ZMYM1: variants seen among roughly 807,000 people sequenced by gnomAD.
ZMYM1 encodes the protein zinc finger MYM-type protein 1.
ZMYM1 carries 39 observed loss-of-function variants against 60.0 expected under a neutral mutation model. The ratio of observed to expected loss-of-function variants is 0.65; its 90% CI spans 0.50 to 0.85. The LOEUF is 0.85. Ranked by LOEUF, ZMYM1 falls within the 40% of genes least tolerant of loss-of-function variation. The probability of loss-of-function intolerance (pLI) is 0.00; values close to 1 mark genes in which losing one functional copy is unlikely to be tolerated. For synonymous variants in ZMYM1, 413 were observed against 454.0 expected (o/e 0.91, Z 1.15); for missense variants, 1,171 against 1,309.5 (o/e 0.89, Z 1.63).
rs761501635 is a variant in ZMYM1 at position 35,113,897 on chromosome 1, T to C, written c.2067T>C (p.Thr689=). The C allele has an allele frequency of 8.7e-6, 14 of 1,613,924 alleles. No individual in the cohort carries two copies. Among genetic ancestry groups the C allele is most frequent in the Non-Finnish European group, 1.2e-5 (14 of 1,179,908 alleles). Residue 689 remains threonine (T), a synonymous_variant, in exon 10 of 10, where the codon ACT becomes ACC. Coordinates refer to ENST00000359858, the MANE Select transcript of ZMYM1 (RefSeq NM_024772.5). ...FLGFVDTEEM[T]GTHLHRTIKT... Reference sequence around the variant, plus strand: ...GTTTTGTTGATACTGAGGAGATGACTGGGACCCACTTACATAGGACTATCA... The same window carrying C: ...GTTTTGTTGATACTGAGGAGATGACCGGGACCCACTTACATAGGACTATCA...
In ZMYM1 at chr1:35,104,683, A is replaced by C; in HGVS notation, c.721A>C (p.Thr241Pro). The C allele has an allele frequency of 6.2e-7, 1 of 1,614,174 alleles. No individual in the cohort carries two copies. The highest frequency in any genetic ancestry group is 1.1e-5 in the South Asian group (1 of 91,090). The part of the protein sequence containing the change: ...CCENCGTYCY[T>P]SSSLSHILQM... ...TGAGAACTGTGGCACTTACTGTTACACCAGCTCTAGTCTGTCCCACATACT... is the reference window on the plus strand; with the variant it reads ...TGAGAACTGTGGCACTTACTGTTACCCCAGCTCTAGTCTGTCCCACATACT... Residue 241 changes from threonine to proline, a missense_variant, in exon 6 of 10, where the codon ACC (threonine) becomes CCC (proline). Transcript: ENST00000359858.
intron 1 of ZMYM1, among the ~76,000 whole-genome samples, chr1:35,083,372 C>T (rs964071247): frequency 1.3e-5 from 2 of 151,968 alleles, no homozygotes; most frequent in African/African-American, 4.8e-5. Flanking sequence ...GGGGTGGCCT[C>T]GAACTCCTGG....
In ZMYM1 at chr1:35,113,553, G is replaced by A. The variant is rs1246376050; in HGVS notation, c.1723G>A (p.Asp575Asn). The change falls in exon 10 of 10, where the codon GAC (aspartate) becomes AAC (asparagine). Residue 575 changes from aspartate (D) to asparagine (N), a missense_variant. By Grantham distance (23) the Asp-to-Asn change is conservative. Transcript: ENST00000359858. ...GKQCLPLRGN[D>N]QSVSSVNKGN... ...GCAGTGTTTACCCTTAAGAGGAAAC[G>A]ACCAGTCAGTTTCATCTGTGAATAA... 1.2e-6 allele frequency: 2 copies of A among 1,613,268 alleles called. No individual in the cohort carries two copies. Among genetic ancestry groups the A allele is most frequent in the East Asian group, 2.2e-5 (1 of 44,834 alleles).
downstream of ZMYM1, among the ~76,000 whole-genome samples, chr1:35,117,296 T>A (rs1644259250): frequency 6.6e-6 from 1 of 151,948 alleles, no homozygotes; most frequent in South Asian, 2.1e-4. Context: ...ATTCTCAGTA[T>A]CTTCTATATA....
intron 4 of ZMYM1, among the ~76,000 whole-genome samples, chr1:35,099,017 T>G (rs1020554602): frequency 6.6e-6 from 1 of 152,230 alleles, no homozygotes; most frequent in Non-Finnish European, 1.5e-5. Context: ...TTACTTAGTA[T>G]TCGTATCTGT....
chr1:35,079,328 G>A (rs1642239461), upstream of ZMYM1: 1 of 152,236 alleles, frequency 6.6e-6, no homozygotes, highest in Admixed American at 6.5e-5. Flanking sequence ...CTGAGCCAGC[G>A]GCCCTGCGCA....
At position 35,113,369 on chromosome 1, in the gene ZMYM1, T is replaced by A; in HGVS notation, c.1539T>A (p.His513Gln). The change falls in exon 10 of 10, where the codon CAT (histidine) becomes CAA (glutamine). Residue 513 changes from histidine (H) to glutamine (Q), a missense_variant. Transcript: ENST00000359858. ...WKKTLEKFRKHEKSEMHLKSL... is the reference protein window; with the variant it reads ...WKKTLEKFRKQEKSEMHLKSL... ...AAACCCTGGAAAAATTCAGAAAGCA[T>A]GAAAAAAGTGAAATGCATTTGAAGT... is the stretch of plus-strand genomic sequence containing the variant. 6.2e-7 allele frequency: 1 copy of A among 1,613,352 alleles called. No homozygotes were observed. Among genetic ancestry groups the A allele is most frequent in the South Asian group, 1.1e-5 (1 of 90,870 alleles).
At chr1:35,069,075 C>T (rs183751126) in intron 1 of ZMYM1, among the ~76,000 whole-genome samples, 72 of 152,268 alleles carry the variant, frequency 4.7e-4, no homozygotes, top group African/African-American at 1.6e-3. Flanking sequence ...CTCAGGTGAT[C>T]TGCCTGCCTC....
At chr1:35,111,599 A>G (rs1186373358) in intron 7 of ZMYM1, among the ~76,000 whole-genome samples, 173 bp from the exon 8 acceptor site, 2 of 152,240 alleles carry the variant, frequency 1.3e-5, no homozygotes, top group Non-Finnish European at 2.9e-5. Context: ...GTAATTATAA[A>G]TACGATACTA....
At chr1:35,070,342 C>A (rs763322677) in intron 1 of ZMYM1, among the ~76,000 whole-genome samples, 1 of 151,874 alleles carries the variant, frequency 6.6e-6, no homozygotes, top group East Asian at 1.9e-4. Context: ...TTTTTTGTAG[C>A]GATTATAAAT....
upstream of ZMYM1, chr1:35,078,986 G>C (rs74593591): frequency 6.9e-6 from 1 of 144,058 alleles, no homozygotes; most frequent in South Asian, 2.1e-4. Flanking sequence ...TTTTTTTTTT[G>C]AGTCCAGCTT....
Position 35,115,284 on chromosome 1 carries a change from A to G in ZMYM1, c.*25A>G, listed in dbSNP as rs1644231686. The G allele has an allele frequency of 6.6e-7, 1 of 1,511,534 alleles. No homozygotes were observed. The allele number at this position is 1,511,534 out of a possible 1,614,324, so 93.6% of individuals were successfully genotyped here. ...ATACATGCTCATTTGAACTTACCTA[A>G]AAGACTTGTATTTCCATTGGGATGT... On this transcript the variant is annotated 3_prime_UTR_variant, in exon 10 of 10. Transcript: ENST00000359858.
chr1:35,098,543 G>T (rs1472066860), intron 4 of ZMYM1, among the ~76,000 whole-genome samples: 1 of 152,208 alleles, frequency 6.6e-6, no homozygotes, highest in Non-Finnish European at 1.5e-5. Context: ...CTTCTGTTTA[G>T]TTATATTTTA....
At chr1:35,064,879 G>A (rs1641943491) in intron 1 of ZMYM1, among the ~76,000 whole-genome samples, 1 of 151,806 alleles carries the variant, frequency 6.6e-6, no homozygotes, top group Non-Finnish European at 1.5e-5. Context: ...AGTAGAGGCA[G>A]GGTTTCACCG....
intron 9 of ZMYM1, among the ~76,000 whole-genome samples, chr1:35,112,511 T>C (rs1644123505): frequency 6.9e-6 from 1 of 145,482 alleles, no homozygotes. Flanking sequence ...ATATATACTA[T>C]AATATATAAA....
intron 6 of ZMYM1, among the ~76,000 whole-genome samples, chr1:35,109,014 G>T (rs1643995113): frequency 6.6e-6 from 1 of 151,468 alleles, no homozygotes; most frequent in Non-Finnish European, 1.5e-5. Context: ...TGAGCCTGAT[G>T]TATTATTTTT....
At chr1:35,083,804 T>A (rs1321785327) in intron 1 of ZMYM1, among the ~76,000 whole-genome samples, 1 of 152,030 alleles carries the variant, frequency 6.6e-6, no homozygotes, top group Non-Finnish European at 1.5e-5. Context: ...AATTTCTTTG[T>A]AGAGATGAGG....
At chr1:35,084,174 A>G (rs981721475) in intron 1 of ZMYM1, among the ~76,000 whole-genome samples, 1 of 146,460 alleles carries the variant, frequency 6.8e-6, no homozygotes, top group East Asian at 2.0e-4. Flanking sequence ...TAGATTTTCC[A>G]TTTAACTTTT....
upstream of ZMYM1, among the ~76,000 whole-genome samples, chr1:35,074,696 C>T (rs1158271079): frequency 2.6e-5 from 4 of 152,162 alleles, no homozygotes; most frequent in East Asian, 1.9e-4. Context: ...CATGAGCCAC[C>T]GCACCCAGCC....
Sources: gnomAD v4.1 joint callset for allele counts (sites outside exome capture counted in the v4.1 genomes callset) on GRCh38, gnomAD v4.1.1 for gene constraint, MANE v1.5 for transcripts, NCBI Gene and HGNC (gene_info 2026-07-23, HGNC 2026-07-21) for gene names.